The following KLF12 variants were observed in gnomAD, a reference collection of about 807,000 sequenced individuals.
KLF12 encodes the protein Krueppel-like factor 12.
In KLF12, 9 loss-of-function variants were observed where a neutral mutation model predicts 37.8. The ratio of observed to expected loss-of-function variants is 0.24; its 90% CI spans 0.14 to 0.42. KLF12 has a LOEUF of 0.42. Among genes scored for constraint, KLF12 ranks in the 10% least tolerant of loss-of-function variants. KLF12 has a pLI of 1.00. For missense variants in KLF12, 411 were observed against 516.0 expected (o/e 0.80, Z 1.97); for synonymous variants, 208 against 202.1 (o/e 1.03, Z -0.25).
chr13:74,111,995 T>C lies in KLF12; in HGVS notation c.-32+21744A>G, dbSNP rs1322116240. Among the ~76,000 whole-genome samples, 3 of 152,188 alleles carry C rather than the reference T, an allele frequency of 2.0e-5. No homozygotes were observed. In the East Asian group the frequency reaches 5.8e-4, roughly 29 times the overall value. On this transcript the variant is annotated intron_variant, in intron 1 of 7. Coordinates refer to ENST00000377669, the MANE Select transcript of KLF12 (RefSeq NM_007249.5). ...GGCTCAGATTTTAAGTTATTCATAT[T>C]TAATATCTGTTCTTTATAGCAAAAA... is the stretch of plus-strand genomic sequence containing the variant.
chr13:74,065,101 A>G (rs1248742848), intron 1 of KLF12, among the ~76,000 whole-genome samples: 1 of 152,164 alleles, frequency 6.6e-6, no homozygotes, highest in Non-Finnish European at 1.5e-5. Context: ...CCTGATTCAT[A>G]TACACATACA....
At chr13:74,144,007 G>A in the KLF12 span, among the ~76,000 whole-genome samples, 2 of 152,150 alleles carry the variant, frequency 1.3e-5, no homozygotes, top group Non-Finnish European at 2.9e-5. Flanking sequence ...ATACTACATT[G>A]TTGTTGTTAC....
At chr13:74,143,046 CCTT>C in the KLF12 span, among the ~76,000 whole-genome samples, 2 of 149,568 alleles carry the variant, frequency 1.3e-5, no homozygotes, top group African/African-American at 2.5e-5. Context: ...CTCCTTCCCT[CCTT>C]CTTTCCTTCC....
chr13:73,981,212 G>C (rs1891680724), intron 2 of KLF12, among the ~76,000 whole-genome samples: 1 of 152,008 alleles, frequency 6.6e-6, no homozygotes, highest in South Asian at 2.1e-4. Flanking sequence ...AAAACAATTG[G>C]ACATTATCCA....
At chr13:73,756,333 A>C (rs1266850275) in intron 6 of KLF12, among the ~76,000 whole-genome samples, 1 of 152,122 alleles carries the variant, frequency 6.6e-6, no homozygotes, top group Non-Finnish European at 1.5e-5. Flanking sequence ...TTTGGTTTTA[A>C]AGGCTGCATT....
the KLF12 span, among the ~76,000 whole-genome samples, chr13:74,147,431 G>A: frequency 2.0e-5 from 3 of 152,218 alleles, no homozygotes; most frequent in Admixed American, 6.5e-5. Flanking sequence ...AGAGGGTGCT[G>A]CAGTGGCTGT....
the KLF12 span, among the ~76,000 whole-genome samples, chr13:74,224,558 C>T: frequency 6.6e-6 from 1 of 152,176 alleles, no homozygotes; most frequent in Non-Finnish European, 1.5e-5. Context: ...AGCATTTGAG[C>T]TCTTCCTCAG....
intron 1 of KLF12, among the ~76,000 whole-genome samples, chr13:74,048,063 C>T (rs1893594260): frequency 6.6e-6 from 1 of 152,198 alleles, no homozygotes; most frequent in Non-Finnish European, 1.5e-5. Flanking sequence ...CAATATAGCA[C>T]TGAGACAGAC....
chr13:74,137,689 C>G (rs1878598723), upstream of KLF12, among the ~76,000 whole-genome samples: 2 of 152,176 alleles, frequency 1.3e-5, no homozygotes, highest in Admixed American at 1.3e-4. Context: ...TCTTCTTATA[C>G]TCAACCAGTG....
intron 3 of KLF12, among the ~76,000 whole-genome samples, chr13:73,869,405 T>C (rs1353111750): frequency 6.6e-6 from 1 of 152,156 alleles, no homozygotes; most frequent in Admixed American, 6.5e-5. Context: ...GAAACACATG[T>C]AAGTTTATAT....
the KLF12 span, among the ~76,000 whole-genome samples, chr13:74,150,695 T>A: frequency 6.6e-6 from 1 of 152,150 alleles, no homozygotes; most frequent in Non-Finnish European, 1.5e-5. Flanking sequence ...TTGGGGCCAT[T>A]AGTAAGTAAA....
At chr13:74,123,152 T>C (rs1877735538) in intron 1 of KLF12, among the ~76,000 whole-genome samples, 1 of 152,052 alleles carries the variant, frequency 6.6e-6, no homozygotes, top group Admixed American at 6.6e-5. Flanking sequence ...TAAAAATAAA[T>C]CACACGTCAA....
chr13:74,269,296 C>A, the KLF12 span, among the ~76,000 whole-genome samples: 1 of 152,174 alleles, frequency 6.6e-6, no homozygotes, highest in Non-Finnish European at 1.5e-5. Context: ...CTCTCTCTCT[C>A]TTTGTATATA....
intron 2 of KLF12, among the ~76,000 whole-genome samples, chr13:73,954,268 G>A (rs4885136): frequency 0.73 from 110,962 of 151,902 alleles, 41,289 homozygotes; most frequent in East Asian, 0.89. Context: ...GAAACCCACC[G>A]CACCCAGCCC....
the KLF12 span, among the ~76,000 whole-genome samples, chr13:74,271,187 G>A: frequency 1.1e-4 from 16 of 152,192 alleles, no homozygotes; most frequent in Admixed American, 2.6e-4. Flanking sequence ...GTTTCATCCC[G>A]AAACCATCCC....
At chr13:74,249,106 A>G in the KLF12 span, among the ~76,000 whole-genome samples, 1 of 152,122 alleles carries the variant, frequency 6.6e-6, no homozygotes, top group Non-Finnish European at 1.5e-5. Flanking sequence ...CCAGTCTCTG[A>G]CAATTGCTGT....
chr13:74,208,489 A>G, the KLF12 span, among the ~76,000 whole-genome samples: 1 of 152,184 alleles, frequency 6.6e-6, no homozygotes, highest in African/African-American at 2.4e-5. Flanking sequence ...GCTGGCATTA[A>G]TATTTTTGGA....
chr13:74,161,036 C>T, the KLF12 span, among the ~76,000 whole-genome samples: 1 of 150,446 alleles, frequency 6.6e-6, no homozygotes, highest in African/African-American at 2.4e-5. Context: ...AGATTGAGAA[C>T]ACGGAGATTG....
intron 1 of KLF12, among the ~76,000 whole-genome samples, chr13:74,036,091 G>A (rs760686550): frequency 1.3e-5 from 2 of 151,990 alleles, no homozygotes; most frequent in East Asian, 1.9e-4. Context: ...ACTCCTATCC[G>A]CAAGGCCTAG....
Sources: gnomAD v4.1 joint callset for allele counts (sites outside exome capture counted in the v4.1 genomes callset) on GRCh38, gnomAD v4.1.1 for gene constraint, MANE v1.5 for transcripts, NCBI Gene and HGNC (gene_info 2026-07-23, HGNC 2026-07-21) for gene names.